The following VWF variants were observed in gnomAD, a reference collection of about 807,000 sequenced individuals.
The protein encoded by VWF is von Willebrand factor, also known as Factor VIII related antigen.
VWF carries 176 observed loss-of-function variants against 308.6 expected under a neutral mutation model. The observed-to-expected ratio is 0.57, with a 90% CI of 0.50 to 0.65. The LOEUF is 0.65. Ranked by LOEUF, VWF falls within the 30% of genes least tolerant of loss-of-function variation. The probability of loss-of-function intolerance (pLI) is 0.00; values close to 1 mark genes in which losing one functional copy is unlikely to be tolerated. For synonymous variants in VWF, 1,385 were observed against 1,443.4 expected (o/e 0.96, Z 0.92); for missense variants, 3,146 against 3,648.2 (o/e 0.86, Z 3.55).
Position 5,993,911 on chromosome 12 carries a change from G to C in VWF, c.6549C>G (p.Leu2183=), listed in dbSNP as rs952110299. 1 of 1,613,994 alleles carries C rather than the reference G, an allele frequency of 6.2e-7. No homozygotes were observed. Among genetic ancestry groups the C allele is most frequent in the East Asian group, 2.2e-5 (1 of 44,874 alleles). Reference sequence around the variant, plus strand: ...CAACGCAGACCCCGTTGGTCCGACAGAGGTGGGCATAAGAGGCGATCACCT... The same window carrying C: ...CAACGCAGACCCCGTTGGTCCGACACAGGTGGGCATAAGAGGCGATCACCT... ...VCEVIASYAH[L]CRTNGVCVDW... The change falls in exon 37 of 52, where the codon CTC becomes CTG. Residue 2183 remains leucine (L), a synonymous_variant. Transcript: ENST00000261405.
At chr12:5,986,066 G>T (rs1943677282) in intron 38 of VWF, among the ~76,000 whole-genome samples, 1 of 151,814 alleles carries the variant, frequency 6.6e-6, no homozygotes, top group Non-Finnish European at 1.5e-5. Context: ...AGGAAGAGCG[G>T]TGGGGAGGAC....
Position 6,121,321 on chromosome 12 carries a change from C to T in VWF, c.73G>A (p.Gly25Arg), listed in dbSNP as rs768896863. The T allele has an allele frequency of 6.2e-7, 1 of 1,614,138 alleles. No homozygotes were observed. The highest frequency in any genetic ancestry group is 1.1e-5 in the South Asian group (1 of 91,066). ...LILPGTLCAEGTRGRSSTARC... is the reference protein window; with the variant it reads ...LILPGTLCAERTRGRSSTARC... ...GCCGTGGATGACCTGCCGCGAGTTCCTTCTGCACAAAGGGTCCCTGGAGGG... is the reference window on the plus strand; with the variant it reads ...GCCGTGGATGACCTGCCGCGAGTTCTTTCTGCACAAAGGGTCCCTGGAGGG... The change falls in exon 3 of 52, where the codon GGA (glycine) becomes AGA (arginine). Residue 25 changes from glycine to arginine, a missense_variant. Transcript: ENST00000261405.
Position 6,106,807 on chromosome 12 carries a change from G to A in VWF, c.532+3567C>T, listed in dbSNP as rs552610313. ...GGAGAATTGCTTCAGCCCGGGAGGC[G>A]GAGGTTGGAGTGAGCTGAGATCACA... On this transcript the variant is annotated intron_variant, in intron 5 of 51. Transcript: ENST00000261405. Among the ~76,000 whole-genome samples the A allele has an allele frequency of 1.8e-4, 27 of 150,750 alleles. No homozygotes were observed. The South Asian group carries it at 3.8e-3, about 21-fold the overall frequency.
At chr12:5,971,506 A>G in intron 44 of VWF, 93 bp downstream of exon 44, 3 of 1,050,482 alleles carry the variant, frequency 2.9e-6, no homozygotes, top group Non-Finnish European at 4.4e-6. Flanking sequence ...TGGGGAAAGC[A>G]AAGGGCAGGG....
At chr12:6,108,208 C>T (rs947849694) in intron 5 of VWF, among the ~76,000 whole-genome samples, 1 of 150,842 alleles carries the variant, frequency 6.6e-6, no homozygotes, top group African/African-American at 2.4e-5. Context: ...GTAGAAGAAT[C>T]GCTTGAATCT....
chr12:6,035,549 G>A (rs531919440), intron 19 of VWF, among the ~76,000 whole-genome samples: 5 of 152,260 alleles, frequency 3.3e-5, no homozygotes, highest in Admixed American at 1.3e-4. Flanking sequence ...TCAAAGGCAG[G>A]GTGAATGAGC....
chr12:5,949,411 C>T (rs558833820), intron 51 of VWF, among the ~76,000 whole-genome samples: 1 of 152,296 alleles, frequency 6.6e-6, no homozygotes, highest in Admixed American at 6.5e-5. Context: ...ATATCATACC[C>T]ACACCCCTCT....
chr12:6,038,850 G>T (rs1944366926), intron 18 of VWF, among the ~76,000 whole-genome samples: 2 of 152,342 alleles, frequency 1.3e-5, no homozygotes, highest in South Asian at 2.1e-4. Context: ...GAGAGGAAAG[G>T]GTTTCCAGGA....
chr12:6,017,902 C>T (rs1393689132), intron 28 of VWF, among the ~76,000 whole-genome samples: 2 of 152,174 alleles, frequency 1.3e-5, no homozygotes, highest in Admixed American at 6.5e-5. Flanking sequence ...CACCTGACAT[C>T]CTGGTCTTGC....
intron 23 of VWF, 57 bp from the exon 24 acceptor site, chr12:6,025,750 G>T: frequency 1.4e-6 from 2 of 1,441,792 alleles, no homozygotes; most frequent in Non-Finnish European, 1.9e-6. Flanking sequence ...GGGTTATTCA[G>T]CCCAGAAGGA....
rs1035768957 is a variant in VWF at position 6,015,155 on chromosome 12, T to C, written c.5455+934A>G. On this transcript the variant is annotated intron_variant, in intron 31 of 51. Coordinates refer to ENST00000261405, the MANE Select transcript of VWF (RefSeq NM_000552.5). ...CCTAAAATCATAGATTTCATAAACA[T>C]GTCACATTCATTCACTCAACAAACG... Among the ~76,000 whole-genome samples, 69 of 152,368 alleles carry C rather than the reference T, an allele frequency of 4.5e-4. 1 individual carries two copies. The highest frequency in any genetic ancestry group is 1.6e-3 in the African/African-American group (66 of 41,584).
In VWF at chr12:5,972,795, GC is replaced by G. The variant is rs1212951889; in HGVS notation, c.7438-1087del. ...TACGGAGGAGACAACAAATTAGGAT[GC>G]CTCAATCTGTGTACACACCCTCCAA... is the stretch of plus-strand genomic sequence containing the variant. On this transcript the variant is annotated intron_variant, in intron 43 of 51. Transcript: ENST00000261405. Among the ~76,000 whole-genome samples the G allele has an allele frequency of 5.9e-5, 9 of 152,108 alleles. No individual in the cohort carries two copies. In the East Asian group the frequency reaches 1.7e-3, roughly 29 times the overall value.
chr12:6,095,962 A>C (rs1945101429), intron 5 of VWF: 1 of 348,682 alleles, frequency 2.9e-6, no homozygotes, highest in Non-Finnish European at 5.6e-6. Flanking sequence ...GTGGGCCACC[A>C]CACCAGGCTC....
At chr12:5,981,283 A>C (rs1165942880) in intron 42 of VWF, among the ~76,000 whole-genome samples, 2 of 151,886 alleles carry the variant, frequency 1.3e-5, no homozygotes, top group East Asian at 1.9e-4. Context: ...AATCTCACCT[A>C]CTCGTGAGGC....
At chr12:6,092,614 T>TGAGAGAGAGAGAGAGAGAGAGAGAGAGA (rs1555073700) in intron 6 of VWF, among the ~76,000 whole-genome samples, 20 of 86,082 alleles carry the variant, frequency 2.3e-4, no homozygotes, top group African/African-American at 1.0e-3. Context: ...AGTGAGTGAG[T>TGAGAGAGAGAGAGAGAGAGAGAGAGAGA]GAGAGTGTGT....
chr12:6,034,959 G>A (rs1281110669), intron 19 of VWF, 133 bp from the exon 20 acceptor site: 4 of 1,170,602 alleles, frequency 3.4e-6, no homozygotes, highest in Admixed American at 2.1e-5. Flanking sequence ...CAAGGAAGTT[G>A]AGGACCTGTA....
At chr12:5,993,716 T>C in intron 37 of VWF, 146 bp downstream of exon 37, 1 of 675,092 alleles carries the variant, frequency 1.5e-6, no homozygotes, top group Non-Finnish European at 2.6e-6. Flanking sequence ...TCTTCCATCT[T>C]ATTTGATCCT....
At chr12:5,964,226 A>ACATACATACATACATACATG (rs1943357363) in intron 47 of VWF, among the ~76,000 whole-genome samples, 16 of 127,828 alleles carry the variant, frequency 1.3e-4, no homozygotes, top group South Asian at 2.6e-4. Flanking sequence ...AAAAATACAT[A>ACATACATACATACATACATG]CATACATACA....
chr12:6,116,849 T>C (rs1468343688), intron 3 of VWF, among the ~76,000 whole-genome samples: 1 of 152,160 alleles, frequency 6.6e-6, no homozygotes, highest in Non-Finnish European at 1.5e-5. Context: ...TCGGGAGGAA[T>C]GTGGATGTGC....
Sources: gnomAD v4.1 joint callset for allele counts (sites outside exome capture counted in the v4.1 genomes callset) on GRCh38, gnomAD v4.1.1 for gene constraint, MANE v1.5 for transcripts, NCBI Gene and HGNC (gene_info 2026-07-23, HGNC 2026-07-21) for gene names.